The following KLHL3 variants were observed in gnomAD, a reference collection of about 807,000 sequenced individuals.
The protein encoded by KLHL3 is kelch-like protein 3.
A neutral mutation model predicts 70.5 loss-of-function variants in KLHL3; 19 were observed. The ratio of observed to expected loss-of-function variants is 0.27; its 90% confidence interval spans 0.19 to 0.40. KLHL3 has a LOEUF of 0.40. KLHL3 is among the 10% of genes least tolerant of loss of function. The probability of loss-of-function intolerance (pLI) is 1.00; values close to 1 mark genes in which losing one functional copy is unlikely to be tolerated. For synonymous variants in KLHL3, 258 were observed against 290.3 expected (o/e 0.89, Z 1.13); for missense variants, 512 against 771.1 (o/e 0.66, Z 3.98).
Position 137,692,277 on chromosome 5 carries a change from C to T in KLHL3, c.526+8G>A, listed in dbSNP as rs1387916976. 1.2e-6 allele frequency: 2 copies of T among 1,609,894 alleles called. No homozygotes were observed. The highest frequency in any genetic ancestry group is 2.2e-5 in the South Asian group (2 of 90,420). On this transcript the variant is annotated splice_region_variant and intron_variant, in intron 5 of 14. Coordinates refer to ENST00000309755, the MANE Select transcript of KLHL3 (RefSeq NM_017415.3). ...CGGAGGAGGTGCAGCAGTCCGGCTC[C>T]CCCTTACCTGCGTAGGCATTGGCCT...
chr5:137,668,193 C>T (rs745440135), intron 6 of KLHL3, among the ~76,000 whole-genome samples: 1 of 152,144 alleles, frequency 6.6e-6, no homozygotes, highest in Non-Finnish European at 1.5e-5. Flanking sequence ...GGGCGGATCA[C>T]GAAGTCAAGA....
At chr5:137,693,158 C>G (rs928097330) in intron 4 of KLHL3, among the ~76,000 whole-genome samples, 1 of 152,196 alleles carries the variant, frequency 6.6e-6, no homozygotes, top group African/African-American at 2.4e-5. Flanking sequence ...GAAACCAGAT[C>G]CTGTTCTCCT....
At chr5:137,720,687 C>T in intron 1 of KLHL3, 103 bp from the exon 2 acceptor site, 1 of 1,566,764 alleles carries the variant, frequency 6.4e-7, no homozygotes, top group East Asian at 2.2e-5. Context: ...CCAGAGGCAT[C>T]TATCAGCCTG....
At chr5:137,633,507 T>C (rs1442416333) in intron 12 of KLHL3, among the ~76,000 whole-genome samples, 3 of 152,094 alleles carry the variant, frequency 2.0e-5, no homozygotes, top group South Asian at 2.1e-4. Context: ...TAAAAAGACA[T>C]GTACAGTTAT....
At chr5:137,689,735 G>C (rs1752270853) in intron 5 of KLHL3, among the ~76,000 whole-genome samples, 1 of 152,184 alleles carries the variant, frequency 6.6e-6, no homozygotes, top group Non-Finnish European at 1.5e-5. Flanking sequence ...TGAGTAATGG[G>C]ATCAACAGAA....
Position 137,622,004 on chromosome 5 carries a change from C to A in KLHL3, c.*94G>T, listed in dbSNP as rs1380353649. ...GGTTCTCACAGCAGCACAGACCCTC[C>A]CAAGCAAGTTGAATCCAGTCACCAA... is the stretch of plus-strand genomic sequence containing the variant. On this transcript the variant is annotated 3_prime_UTR_variant, in exon 15 of 15. Transcript: ENST00000309755. 1 of 1,367,214 alleles carries A rather than the reference C, an allele frequency of 7.3e-7. No homozygotes were observed. The highest frequency in any genetic ancestry group is 1.0e-6 in the Non-Finnish European group (1 of 955,378). 84.7% of individuals were successfully genotyped at this position (1,367,214 alleles called of 1,614,324 possible).
intron 11 of KLHL3, 129 bp from the exon 12 acceptor site, chr5:137,634,294 G>A: frequency 1.0e-6 from 1 of 1,000,988 alleles, no homozygotes; most frequent in East Asian, 2.7e-5. Flanking sequence ...TTCTCCAGGG[G>A]ACCACCAACT....
intron 12 of KLHL3, among the ~76,000 whole-genome samples, chr5:137,630,110 G>A (rs1006178491): frequency 7.2e-5 from 11 of 152,178 alleles, no homozygotes; most frequent in Admixed American, 7.2e-4. Context: ...ACATGCATGT[G>A]GGTTCCCAAC....
intron 6 of KLHL3, among the ~76,000 whole-genome samples, chr5:137,664,879 C>T (rs1196431580): frequency 6.6e-6 from 1 of 151,756 alleles, no homozygotes; most frequent in African/African-American, 2.4e-5. Flanking sequence ...CAAAGAATCA[C>T]CCAACAGATT....
At chr5:137,722,274 A>T (rs1315925074) in intron 1 of KLHL3, among the ~76,000 whole-genome samples, 1 of 152,234 alleles carries the variant, frequency 6.6e-6, no homozygotes, top group Non-Finnish European at 1.5e-5. Flanking sequence ...GCAGACCCAC[A>T]GCTTGTCTGA....
chr5:137,671,802 C>T (rs1751766702), intron 6 of KLHL3: 1 of 152,180 alleles, frequency 6.6e-6, no homozygotes, highest in African/African-American at 2.4e-5. Flanking sequence ...GGTAGGTGCC[C>T]TTCCCAGGGT....
In KLHL3 at chr5:137,623,078, G is replaced by A. The variant is rs140824241; in HGVS notation, c.1736-952C>T. 5.2e-3 allele frequency among the ~76,000 whole-genome samples: 798 copies of A among 152,342 alleles called. 10 individuals carry two copies. The highest frequency in any genetic ancestry group is 0.017 in the Middle Eastern group (5 of 294). Reference sequence around the variant, plus strand: ...AGCCCTTGATAAAGCTGGCAGAATAGAAAAGAGAAGAGAAACCTGGTTCTG... The same window carrying A: ...AGCCCTTGATAAAGCTGGCAGAATAAAAAAGAGAAGAGAAACCTGGTTCTG... On this transcript the variant is annotated intron_variant, in intron 14 of 14. Transcript: ENST00000309755.
rs1215262620 is a variant in KLHL3 at position 137,630,998 on chromosome 5, T to A, written c.1451-2561A>T. Among the ~76,000 whole-genome samples, 3 of 142,262 alleles carry A rather than the reference T, an allele frequency of 2.1e-5. No individual in the cohort carries two copies. In the Admixed American group the frequency reaches 2.3e-4, roughly 11 times the overall value. 93.3% of individuals were successfully genotyped at this position (142,262 alleles called of 152,430 possible). On this transcript the variant is annotated intron_variant, in intron 12 of 14. Transcript: ENST00000309755. ...AAAAATATTAAAATAGCATACTTTT[T>A]AAAGAATGATGAGGAAGTGGTCATA...
chr5:137,709,691 A>T, intron 3 of KLHL3, 59 bp downstream of exon 3: 2 of 1,351,250 alleles, frequency 1.5e-6, no homozygotes, highest in Non-Finnish European at 2.1e-6. Flanking sequence ...CACCCCCAAC[A>T]TTCTCCCAGT....
chr5:137,729,081 T>C (rs924179020), intron 1 of KLHL3, among the ~76,000 whole-genome samples: 1 of 151,974 alleles, frequency 6.6e-6, no homozygotes, highest in African/African-American at 2.4e-5. Context: ...AGAAATGCTG[T>C]TAAAGGTTAT....
At chr5:137,714,481 C>T (rs574105647) in intron 2 of KLHL3, among the ~76,000 whole-genome samples, 1 of 152,284 alleles carries the variant, frequency 6.6e-6, no homozygotes, top group South Asian at 2.1e-4. Flanking sequence ...TGTACTGAGA[C>T]ATGCTACAAC....
intron 8 of KLHL3, among the ~76,000 whole-genome samples, chr5:137,649,450 AC>A (rs1751144236): frequency 6.6e-6 from 1 of 152,218 alleles, no homozygotes; most frequent in Non-Finnish European, 1.5e-5. Flanking sequence ...CCTGCCAGCA[AC>A]CACATGAGTG....
chr5:137,729,585 A>T (rs947703204), intron 1 of KLHL3, among the ~76,000 whole-genome samples: 4 of 152,144 alleles, frequency 2.6e-5, no homozygotes, highest in African/African-American at 7.2e-5. Context: ...ATATCTTGCC[A>T]GTAATATTTT....
intron 10 of KLHL3, 77 bp from the exon 11 acceptor site, chr5:137,637,472 GA>G: frequency 7.7e-7 from 1 of 1,303,172 alleles, no homozygotes; most frequent in South Asian, 1.2e-5. Context: ...GAGGATGGGG[GA>G]GGAGTCCAAA....
Sources: allele counts gnomAD v4.1 joint callset (sites outside exome capture counted in the v4.1 genomes callset), GRCh38; gene constraint gnomAD v4.1.1; transcripts MANE v1.5; gene names NCBI Gene and HGNC (gene_info 2026-07-23, HGNC 2026-07-21).